Variants in PRIM2 observed in about 807,000 individuals in gnomAD.
PRIM2 encodes DNA primase subunit 2, also known as DNA primase large subunit.
A neutral mutation model predicts 67.3 loss-of-function variants in PRIM2; 39 were observed. That is an observed-to-expected ratio of 0.58 (90% CI 0.45 to 0.76). The LOEUF is 0.76. Ranked by LOEUF, PRIM2 falls within the 30% of genes least tolerant of loss-of-function variation. PRIM2 has a pLI of 0.00. For missense variants in PRIM2, 398 were observed against 598.7 expected, an observed-to-expected ratio of 0.66 and a Z score of 3.50; for synonymous variants, 143 against 198.7, an observed-to-expected ratio of 0.72 and a Z score of 2.36.
intron 7 of PRIM2, among the ~76,000 whole-genome samples, chr6:57,475,520 A>G (rs1381486890): frequency 6.6e-6 from 1 of 152,188 alleles, no homozygotes; most frequent in Non-Finnish European, 1.5e-5. Context: ...ATTTTGTAGC[A>G]TATGTCAGTA....
At chr6:57,640,553 A>ATCTC (rs1332479901) in intron 13 of PRIM2, among the ~76,000 whole-genome samples, 11 of 152,298 alleles carry the variant, frequency 7.2e-5, no homozygotes, top group Admixed American at 5.2e-4. Context: ...AGGATACAAA[A>ATCTC]TCTCTGTGCA....
chr6:57,621,374 G>A (rs1481836331), intron 12 of PRIM2, among the ~76,000 whole-genome samples: 104 of 152,194 alleles, frequency 6.8e-4, no homozygotes, highest in African/African-American at 2.5e-3. Context: ...TAAAGGTTCC[G>A]CCTCTTAATA....
At chr6:57,589,840 T>G (rs1233627229) in intron 10 of PRIM2, among the ~76,000 whole-genome samples, 1 of 151,928 alleles carries the variant, frequency 6.6e-6, no homozygotes, top group Non-Finnish European at 1.5e-5. Flanking sequence ...AGAAGCAGGA[T>G]TAAACAGACA....
chr6:57,334,609 G>C (rs1768161203), intron 5 of PRIM2, among the ~76,000 whole-genome samples: 1 of 152,082 alleles, frequency 6.6e-6, no homozygotes, highest in East Asian at 1.9e-4. Context: ...GGCTACAGTG[G>C]ACTATGATCT....
At chr6:57,294,241 A>G in the PRIM2 span, among the ~76,000 whole-genome samples, 2 of 152,116 alleles carry the variant, frequency 1.3e-5, no homozygotes, top group Non-Finnish European at 2.9e-5. Context: ...GCACTTTGGG[A>G]GGCGTAGGTG....
At chr6:57,432,079 T>C (rs1771849664) in intron 7 of PRIM2, among the ~76,000 whole-genome samples, 1 of 152,218 alleles carries the variant, frequency 6.6e-6, no homozygotes, top group African/African-American at 2.4e-5. Flanking sequence ...ATCACCAATT[T>C]AGCCTTTTTA....
intron 10 of PRIM2, among the ~76,000 whole-genome samples, chr6:57,548,747 G>A (rs1775339770): frequency 6.6e-6 from 1 of 152,032 alleles, no homozygotes; most frequent in African/African-American, 2.4e-5. Context: ...ATTATGAATT[G>A]GTAAAGGAGT....
chr6:57,531,384 T>C (rs1774886382), intron 8 of PRIM2, among the ~76,000 whole-genome samples: 1 of 152,154 alleles, frequency 6.6e-6, no homozygotes, highest in Non-Finnish European at 1.5e-5. Context: ...GGTGGAATTC[T>C]TTATGATCAT....
intron 12 of PRIM2, among the ~76,000 whole-genome samples, chr6:57,617,265 C>A (rs1208929996): frequency 7.2e-5 from 11 of 152,296 alleles, no homozygotes; most frequent in African/African-American, 2.6e-4. Flanking sequence ...TCTGTGCATT[C>A]TTTGTCTAGT....
upstream of PRIM2, among the ~76,000 whole-genome samples, chr6:57,313,483 T>C (rs780831916): frequency 5.3e-5 from 8 of 152,132 alleles, no homozygotes; most frequent in Admixed American, 2.0e-4. Context: ...TATGGAAGGG[T>C]AGTGTTTCTT....
chr6:57,342,528 T>C (rs1460583985), intron 5 of PRIM2, among the ~76,000 whole-genome samples: 5 of 152,232 alleles, frequency 3.3e-5, no homozygotes, highest in African/African-American at 1.2e-4. Flanking sequence ...TGACAGCAGC[T>C]TCTAATTTAC....
chr6:57,567,308 A>G (rs1357316373), intron 10 of PRIM2, among the ~76,000 whole-genome samples: 2 of 152,146 alleles, frequency 1.3e-5, no homozygotes, highest in Non-Finnish European at 2.9e-5. Context: ...ATGTAAAACC[A>G]TTCTGTTTTT....
intron 7 of PRIM2, among the ~76,000 whole-genome samples, chr6:57,443,601 G>C (rs1772270763): frequency 6.6e-6 from 1 of 151,996 alleles, no homozygotes; most frequent in African/African-American, 2.4e-5. Flanking sequence ...TTTTAAACTG[G>C]ATTTTTTTTG....
intron 7 of PRIM2, among the ~76,000 whole-genome samples, chr6:57,397,341 T>C (rs1033182926): frequency 2.6e-5 from 4 of 152,194 alleles, no homozygotes; most frequent in African/African-American, 9.6e-5. Context: ...ATCCCAGACT[T>C]CTTGGAGGCT....
At chr6:57,288,609 G>A in the PRIM2 span, among the ~76,000 whole-genome samples, 1 of 152,118 alleles carries the variant, frequency 6.6e-6, no homozygotes, top group African/African-American at 2.4e-5. Context: ...GAAGGATCAG[G>A]CAGCAATATT....
chr6:57,568,925 G>A (rs1390779087), intron 10 of PRIM2, among the ~76,000 whole-genome samples: 2 of 152,188 alleles, frequency 1.3e-5, no homozygotes, highest in Non-Finnish European at 1.5e-5. Context: ...TTTCTCCCCA[G>A]CTAAAGGAAA....
chr6:57,278,218 T>C, the PRIM2 span, among the ~76,000 whole-genome samples: 1 of 151,674 alleles, frequency 6.6e-6, no homozygotes, highest in Non-Finnish European at 1.5e-5. Context: ...TCCCAGCTAC[T>C]CGGGAGGCTG....
chr6:57,232,423 G>A, the PRIM2 span, among the ~76,000 whole-genome samples: 6 of 152,196 alleles, frequency 3.9e-5, no homozygotes, highest in Non-Finnish European at 5.9e-5. Flanking sequence ...GTGGTGGCGC[G>A]TGCCTGTAAT....
intron 10 of PRIM2, among the ~76,000 whole-genome samples, chr6:57,561,823 A>G (rs1386654239): frequency 6.6e-6 from 1 of 152,036 alleles, no homozygotes; most frequent in Admixed American, 6.5e-5. Flanking sequence ...GGCCTATCTC[A>G]CTTAACTTTC....
Sources: allele counts gnomAD v4.1 joint callset (sites outside exome capture counted in the v4.1 genomes callset), GRCh38; gene constraint gnomAD v4.1.1; transcripts MANE v1.5; gene names NCBI Gene and HGNC (gene_info 2026-07-23, HGNC 2026-07-21).